EYA4: variants seen among roughly 807,000 people sequenced by gnomAD.
EYA4 encodes EYA transcriptional coactivator and phosphatase 4.
Under a neutral mutation model 87.9 loss-of-function variants are expected in EYA4, and 31 were observed. The ratio of observed to expected loss-of-function variants is 0.35; its 90% CI spans 0.27 to 0.48. EYA4 has a LOEUF of 0.48. Among genes scored for constraint, EYA4 ranks in the 20% least tolerant of loss-of-function variants. The pLI is 0.99. For missense variants in EYA4, 678 were observed against 761.4 expected (o/e 0.89, Z 1.29); for synonymous variants, 263 against 270.6 (o/e 0.97, Z 0.28).
chr6:133,459,594 A>G lies in EYA4; in HGVS notation c.371-1520A>G, dbSNP rs1041856116. ...CATTTAACTATATTTCTGTTAGAGTATTTGGTATTGTTAATCGATAAATTA... is the reference window on the plus strand; with the variant it reads ...CATTTAACTATATTTCTGTTAGAGTGTTTGGTATTGTTAATCGATAAATTA... On this transcript the variant is annotated intron_variant, in intron 6 of 19. Coordinates refer to ENST00000355286, the MANE Select transcript of EYA4 (RefSeq NM_004100.5). Among the ~76,000 whole-genome samples, 38 of 152,130 alleles carry G rather than the reference A, an allele frequency of 2.5e-4. 1 individual carries two copies. The highest frequency in any genetic ancestry group is 8.9e-4 in the African/African-American group (37 of 41,454).
At chr6:133,381,292 A>G (rs1002116277) in intron 2 of EYA4, among the ~76,000 whole-genome samples, 4 of 152,102 alleles carry the variant, frequency 2.6e-5, no homozygotes, top group Admixed American at 6.6e-5. Context: ...ACTTTGTATT[A>G]AAAGCAAAAG....
chr6:133,270,854 G>A (rs1184069998), intron 1 of EYA4, among the ~76,000 whole-genome samples: 2 of 152,140 alleles, frequency 1.3e-5, no homozygotes, highest in Non-Finnish European at 2.9e-5. Context: ...GTCTGGGTCA[G>A]TCAGTCACCC....
At chr6:133,495,888 G>GT (rs1797613165) in intron 13 of EYA4, among the ~76,000 whole-genome samples, 3 of 152,324 alleles carry the variant, frequency 2.0e-5, no homozygotes, top group African/African-American at 7.2e-5. Flanking sequence ...CTAGAGTGGA[G>GT]TATTTCCCAG....
At chr6:133,266,926 A>T (rs973956033) in intron 1 of EYA4, among the ~76,000 whole-genome samples, 6 of 152,180 alleles carry the variant, frequency 3.9e-5, no homozygotes, top group African/African-American at 1.4e-4. Flanking sequence ...GTTACATTCA[A>T]TCAATATTTA....
intron 2 of EYA4, among the ~76,000 whole-genome samples, chr6:133,366,643 A>G (rs567275052): frequency 1.3e-5 from 2 of 152,362 alleles, no homozygotes; most frequent in South Asian, 4.1e-4. Flanking sequence ...AAATGATTGC[A>G]TTGATTTCTA....
At chr6:133,441,834 G>A (rs1003530011) in intron 3 of EYA4, among the ~76,000 whole-genome samples, 5 of 151,926 alleles carry the variant, frequency 3.3e-5, no homozygotes, top group African/African-American at 2.4e-5. Flanking sequence ...GAAAAGGGTT[G>A]CTTTATGAGG....
At chr6:133,461,618 T>TC (rs1763688134) in intron 7 of EYA4, among the ~76,000 whole-genome samples, 2 of 152,086 alleles carry the variant, frequency 1.3e-5, no homozygotes. Flanking sequence ...CTATATTGGG[T>TC]GTATATCTGA....
intron 2 of EYA4, among the ~76,000 whole-genome samples, chr6:133,303,456 G>T (rs926430321): frequency 6.6e-6 from 1 of 152,110 alleles, no homozygotes; most frequent in Non-Finnish European, 1.5e-5. Context: ...CCAGTGTTTT[G>T]CAGCCAGTGG....
chr6:133,481,403 A>G, intron 11 of EYA4, 60 bp from the exon 12 acceptor site: 1 of 1,481,812 alleles, frequency 6.7e-7, no homozygotes, highest in Non-Finnish European at 9.4e-7. Flanking sequence ...TTAATAATGA[A>G]GACTCATACT....
chr6:133,381,140 A>G (rs1190293299), intron 2 of EYA4, among the ~76,000 whole-genome samples: 1 of 145,460 alleles, frequency 6.9e-6, no homozygotes, highest in Non-Finnish European at 1.5e-5. Flanking sequence ...GGCATAGAAG[A>G]CATTACATAA....
chr6:133,329,178 A>G (rs75289277), intron 2 of EYA4, among the ~76,000 whole-genome samples: 430 of 152,190 alleles, frequency 2.8e-3, no homozygotes, highest in African/African-American at 9.9e-3. Flanking sequence ...GTCTGTTTTT[A>G]TATCATCCAA....
At chr6:133,376,176 A>G (rs752101886) in intron 2 of EYA4, among the ~76,000 whole-genome samples, 12 of 151,836 alleles carry the variant, frequency 7.9e-5, no homozygotes, top group Non-Finnish European at 1.8e-4. Flanking sequence ...TTGGAAAAAA[A>G]TATTTTTCTA....
intron 11 of EYA4, among the ~76,000 whole-genome samples, chr6:133,473,778 G>T (rs1025393781): frequency 6.6e-6 from 1 of 151,846 alleles, no homozygotes; most frequent in South Asian, 2.1e-4. Flanking sequence ...TGTACCCCTT[G>T]CAGGGCCAGG....
intron 2 of EYA4, among the ~76,000 whole-genome samples, chr6:133,380,982 T>TC (rs753351061): frequency 6.7e-6 from 1 of 150,000 alleles, no homozygotes; most frequent in African/African-American, 2.5e-5. Flanking sequence ...TTTCTCTTTT[T>TC]CCTTTTCTTC....
intron 1 of EYA4, among the ~76,000 whole-genome samples, chr6:133,252,977 A>ACT (rs1775033025): frequency 6.8e-6 from 1 of 146,350 alleles, no homozygotes; most frequent in Non-Finnish European, 1.5e-5. Context: ...ACACACACAC[A>ACT]CACACACACA....
chr6:133,428,205 G>A lies in EYA4; in HGVS notation c.84-18425G>A, dbSNP rs141587114. 7.3e-3 allele frequency among the ~76,000 whole-genome samples: 1,116 copies of A among 152,292 alleles called. 18 individuals are homozygous for A. Among genetic ancestry groups the A allele is most frequent in the African/African-American group, 0.026 (1,069 of 41,560 alleles). On this transcript the variant is annotated intron_variant, in intron 3 of 19. Coordinates refer to ENST00000355286, the MANE Select transcript of EYA4 (RefSeq NM_004100.5). ...AGTATAGAATTATAGGTAAGTTCTG[G>A]TGCTCAGAGAGATATGAGGGCTGAG...
chr6:133,307,169 A>G (rs1779874128), intron 2 of EYA4, among the ~76,000 whole-genome samples: 1 of 152,254 alleles, frequency 6.6e-6, no homozygotes, highest in African/African-American at 2.4e-5. Flanking sequence ...ACGTTTCTGC[A>G]TCCTGAATCG....
At chr6:133,287,760 A>G (rs1000241199) in intron 2 of EYA4, among the ~76,000 whole-genome samples, 3 of 152,174 alleles carry the variant, frequency 2.0e-5, no homozygotes, top group African/African-American at 7.2e-5. Context: ...GATGGTAGGG[A>G]GATTACTGAA....
chr6:133,305,238 G>A (rs1039953495), intron 2 of EYA4, among the ~76,000 whole-genome samples: 3 of 152,148 alleles, frequency 2.0e-5, no homozygotes, highest in Non-Finnish European at 4.4e-5. Flanking sequence ...GCCAGAGTTT[G>A]TAGGTCTTTA....
Sources: gnomAD v4.1 joint callset for allele counts (sites outside exome capture counted in the v4.1 genomes callset) on GRCh38, gnomAD v4.1.1 for gene constraint, MANE v1.5 for transcripts, NCBI Gene and HGNC (gene_info 2026-07-23, HGNC 2026-07-21) for gene names.